Variants in GIT2 observed in about 807,000 individuals in gnomAD.
The protein encoded by GIT2 is ARF GTPase-activating protein GIT2.
Under a neutral mutation model 100.3 loss-of-function variants are expected in GIT2, and 32 were observed. That is an observed-to-expected ratio of 0.32 (90% CI 0.24 to 0.43). GIT2 has a LOEUF of 0.43. Ranked by LOEUF, GIT2 falls within the 20% of genes least tolerant of loss-of-function variation. The pLI is 1.00. For synonymous variants in GIT2, 353 were observed against 364.1 expected (o/e 0.97, Z 0.35); for missense variants, 737 against 975.1 (o/e 0.76, Z 3.25).
intron 8 of GIT2, among the ~76,000 whole-genome samples, chr12:109,966,090 G>C (rs1317857968): frequency 2.6e-5 from 4 of 151,190 alleles, no homozygotes; most frequent in Non-Finnish European, 5.9e-5. Context: ...CTGCCACCAG[G>C]GTTTAAGCAA....
intron 17 of GIT2, 171 bp from the exon 18 acceptor site, chr12:109,938,739 A>C: frequency 1.8e-6 from 1 of 546,960 alleles, no homozygotes; most frequent in Non-Finnish European, 3.2e-6. Flanking sequence ...CGGCTATTTC[A>C]CTCTACCATA....
At position 109,973,710 on chromosome 12, in the gene GIT2, CT is replaced by C. The variant is rs561091660; in HGVS notation, c.719-6208del. Among the ~76,000 whole-genome samples, 1,335 of 143,948 alleles carry C rather than the reference CT, an allele frequency of 9.3e-3. 25 individuals carry two copies. Among genetic ancestry groups the C allele is most frequent in the African/African-American group, 0.031 (1,226 of 39,456 alleles). The allele number at this position is 143,948 out of a possible 152,430, so 94.4% of individuals were successfully genotyped here. On this transcript the variant is annotated intron_variant, in intron 7 of 19. Coordinates refer to ENST00000355312, the MANE Select transcript of GIT2 (RefSeq NM_057169.5). ...CTGTTTGGTTCAGGTTTATTTTGCT[CT>C]TTTTTTTTTTAAAGTTTCTTAAGGG...
At chr12:109,981,744 T>C (rs985779433) in intron 6 of GIT2, 1 of 152,228 alleles carries the variant, frequency 6.6e-6, no homozygotes, top group Non-Finnish European at 1.5e-5. Context: ...GAGATTATTA[T>C]ATGCAAGGTA....
At chr12:109,941,796 T>C (rs887713130) in intron 16 of GIT2, among the ~76,000 whole-genome samples, 4 of 151,846 alleles carry the variant, frequency 2.6e-5, no homozygotes, top group African/African-American at 9.7e-5. Context: ...GCTGAGATTA[T>C]AGGTGTGAGC....
chr12:109,957,459 C>T (rs1381285546), intron 12 of GIT2, among the ~76,000 whole-genome samples: 1 of 151,836 alleles, frequency 6.6e-6, no homozygotes, highest in African/African-American at 2.4e-5. Context: ...TATAGCCACA[C>T]AAAAGGGACT....
chr12:109,994,348 T>G (rs1888953563), intron 1 of GIT2, among the ~76,000 whole-genome samples: 1 of 152,216 alleles, frequency 6.6e-6, no homozygotes, highest in Non-Finnish European at 1.5e-5. Flanking sequence ...ACAAATGAAC[T>G]TCAAAAATGT....
chr12:109,971,178 CATGTT>C (rs1883776827), intron 7 of GIT2, among the ~76,000 whole-genome samples: 1 of 152,170 alleles, frequency 6.6e-6, no homozygotes, highest in Non-Finnish European at 1.5e-5. Context: ...GGAGAATTGA[CATGTT>C]ATTGAGTCTT....
rs975391585 is a variant in GIT2, at chr12:109,964,253, C to T, written c.816+1273G>A. On this transcript the variant is annotated intron_variant, in intron 9 of 19. Coordinates refer to ENST00000355312, the MANE Select transcript of GIT2 (RefSeq NM_057169.5). ...AACTTCCTTAAGGCAATAAAACACACAGACACACAAAACTGTAGATACAGA... is the reference window on the plus strand; with the variant it reads ...AACTTCCTTAAGGCAATAAAACACATAGACACACAAAACTGTAGATACAGA... Among the ~76,000 whole-genome samples the T allele has an allele frequency of 2.0e-5, 3 of 152,206 alleles. 1 individual carries two copies. The South Asian group carries it at 6.2e-4, about 32-fold the overall frequency.
At chr12:109,980,804 G>T (rs1421967551) in intron 7 of GIT2, 148 bp downstream of exon 7, 2 of 654,100 alleles carry the variant, frequency 3.1e-6, no homozygotes, top group Non-Finnish European at 5.5e-6. Flanking sequence ...TGACAATTCT[G>T]TAGTTATCCT....
upstream of GIT2, among the ~76,000 whole-genome samples, chr12:109,999,947 C>T (rs1422635362): frequency 2.0e-5 from 3 of 152,220 alleles, no homozygotes; most frequent in Non-Finnish European, 4.4e-5. The surrounding 1 kb of genome is among the most constrained non-coding windows in gnomAD (Gnocchi z 4.3). Flanking sequence ...GTATCGAGTG[C>T]TTACCGTGCG....
intron 12 of GIT2, among the ~76,000 whole-genome samples, chr12:109,957,643 A>C (rs1038277676): frequency 5.3e-5 from 8 of 151,534 alleles, no homozygotes; most frequent in Non-Finnish European, 8.8e-5. Context: ...AGTAGCTGGG[A>C]CCACAGGCGT....
At chr12:109,963,406 T>C (rs1881537538) in intron 9 of GIT2, among the ~76,000 whole-genome samples, 1 of 152,226 alleles carries the variant, frequency 6.6e-6, no homozygotes, top group Non-Finnish European at 1.5e-5. Flanking sequence ...ACAACTACAA[T>C]GGCCAACGCT....
intron 7 of GIT2, among the ~76,000 whole-genome samples, chr12:109,968,338 T>A (rs1292406941): frequency 6.9e-6 from 1 of 145,496 alleles, no homozygotes; most frequent in Non-Finnish European, 1.5e-5. Context: ...CTTCATGTGA[T>A]TTTTTTTTTT....
rs1398039848 is a variant in GIT2, at chr12:109,989,002, G to A, written c.366C>T (p.Cys122=). Residue 122 remains cysteine, a synonymous_variant, in exon 4 of 20, where the codon TGC becomes TGT. Transcript: ENST00000355312. The stretch of plus-strand genomic sequence containing the variant: ...TGGCAGTCACACTATCGTCATCCCG[G>A]CAGGGCAAGCGATGGACGAACGCTA... The part of the protein sequence containing the change: ...QMLAFVHRLP[C]RDDDSVTAKD... 2 of 1,611,802 alleles carry A rather than the reference G, an allele frequency of 1.2e-6. No individual in the cohort carries two copies. Among genetic ancestry groups the A allele is most frequent in the African/African-American group, 2.7e-5 (2 of 74,844 alleles).
intron 14 of GIT2, chr12:109,950,931 G>T: frequency 2.0e-6 from 1 of 509,390 alleles, no homozygotes; most frequent in South Asian, 2.3e-5. Flanking sequence ...TTATTCTAAT[G>T]GGCACAAATG....
chr12:109,996,108 C>T (rs1030307379), intron 1 of GIT2, 65 bp downstream of exon 1: 9 of 1,040,422 alleles, frequency 8.7e-6, no homozygotes, highest in African/African-American at 6.7e-5. Context: ...CCTGAGGGGG[C>T]GGCCCCGGGG....
intron 4 of GIT2, among the ~76,000 whole-genome samples, chr12:109,985,424 G>A (rs1166673807): frequency 6.6e-6 from 1 of 151,990 alleles, no homozygotes; most frequent in Non-Finnish European, 1.5e-5. Flanking sequence ...AAAAAAGGGG[G>A]GGGAAAAAAG....
intron 12 of GIT2, among the ~76,000 whole-genome samples, chr12:109,954,856 G>C (rs1878956373): frequency 6.7e-6 from 1 of 149,738 alleles, no homozygotes. Context: ...CCAAGACTAT[G>C]CCACTGCACT....
At chr12:109,980,166 T>C (rs1886020042) in intron 7 of GIT2, among the ~76,000 whole-genome samples, 1 of 152,000 alleles carries the variant, frequency 6.6e-6, no homozygotes, top group Non-Finnish European at 1.5e-5. Context: ...CCTGAATTCC[T>C]GGGCTCAAGT....
Sources: allele counts gnomAD v4.1 joint callset (sites outside exome capture counted in the v4.1 genomes callset), GRCh38; gene constraint gnomAD v4.1.1; non-coding constraint Gnocchi (gnomAD v3.1); transcripts MANE v1.5; gene names NCBI Gene and HGNC (gene_info 2026-07-23, HGNC 2026-07-21).